The following SAMSN1 variants were observed in gnomAD, a reference collection of about 807,000 sequenced individuals.
The protein encoded by SAMSN1 is SAM domain-containing protein SAMSN-1.
Under a neutral mutation model 42.0 loss-of-function variants are expected in SAMSN1, and 31 were observed. The observed-to-expected ratio is 0.74, with a 90% confidence interval of 0.55 to 1.00. The LOEUF is 1.00. Among genes scored for constraint, SAMSN1 ranks in the 50% least tolerant of loss-of-function variants. The pLI, the probability that SAMSN1 is intolerant of heterozygous loss-of-function variation, is 0.00. For synonymous variants in SAMSN1, 178 were observed against 151.9 expected (o/e 1.17, Z -1.26); for missense variants, 464 against 439.4 (o/e 1.06, Z -0.50).
chr21:14,552,114 A>G (rs941772047), intron 2 of SAMSN1, among the ~76,000 whole-genome samples: 9 of 152,116 alleles, frequency 5.9e-5, no homozygotes, highest in Non-Finnish European at 1.3e-4. Context: ...GCTCTTTTCT[A>G]TAATTAAGAT....
Position 14,485,826 on chromosome 21 carries a change from T to C in SAMSN1, c.*86A>G. The C allele has an allele frequency of 9.9e-7, 1 of 1,015,006 alleles. No homozygotes were observed. Among genetic ancestry groups the C allele is most frequent in the Non-Finnish European group, 1.5e-6 (1 of 652,068 alleles). The allele number at this position is 1,015,006 out of a possible 1,614,324, so 62.9% of individuals were successfully genotyped here. Reference sequence around the variant, plus strand: ...TTTAGGTTTTATTTACAAATATTTATCTTATCTTCCTCTCCTATTTGACGT... The same window carrying C: ...TTTAGGTTTTATTTACAAATATTTACCTTATCTTCCTCTCCTATTTGACGT... On this transcript the variant is annotated 3_prime_UTR_variant, in exon 8 of 8. Transcript: ENST00000400566.
Position 14,509,776 on chromosome 21 carries a change from A to C in SAMSN1, c.561+534T>G, listed in dbSNP as rs571706836. ...TAGACTCTGAACCTGAATCATCTACATAATAACAACTTACACTAACAGCCT... is the reference window on the plus strand; with the variant it reads ...TAGACTCTGAACCTGAATCATCTACCTAATAACAACTTACACTAACAGCCT... On this transcript the variant is annotated intron_variant, in intron 5 of 7. Coordinates refer to ENST00000400566, the MANE Select transcript of SAMSN1 (RefSeq NM_022136.5). Among the ~76,000 whole-genome samples, 10 of 152,308 alleles carry C rather than the reference A, an allele frequency of 6.6e-5. No homozygotes were observed. The South Asian group carries it at 1.9e-3, about 28-fold the overall frequency.
chr21:14,603,447 G>A (rs1471357807), intron 5 of SAMSN1, among the ~76,000 whole-genome samples: 1 of 152,212 alleles, frequency 6.6e-6, no homozygotes, highest in Non-Finnish European at 1.5e-5. Context: ...ACTTGTGGAA[G>A]AGACAAGGCC....
intron 2 of SAMSN1, among the ~76,000 whole-genome samples, chr21:14,559,029 T>C (rs907841301): frequency 1.3e-5 from 2 of 152,196 alleles, no homozygotes; most frequent in African/African-American, 4.8e-5. Flanking sequence ...AAAGAAATTA[T>C]GTCGGTCCCA....
chr21:14,581,344 CTTTTTTTTTTTTTTTTTTTT>C (rs56728511), intron 2 of SAMSN1, among the ~76,000 whole-genome samples: 3 of 32,588 alleles, frequency 9.2e-5, no homozygotes, highest in Admixed American at 6.1e-4. Flanking sequence ...AATAATATTT[CTTTTTTTTTTTTTTTTTTTT>C]TTTTTTTTTT....
intron 5 of SAMSN1, among the ~76,000 whole-genome samples, chr21:14,608,257 A>T (rs150893792): frequency 6.6e-6 from 1 of 152,204 alleles, no homozygotes. Context: ...CTCCTCCTCT[A>T]TCTCCTGGTA....
intron 7 of SAMSN1, among the ~76,000 whole-genome samples, chr21:14,588,791 T>C (rs749677009): frequency 5.8e-4 from 88 of 152,338 alleles, no homozygotes; most frequent in Non-Finnish European, 1.1e-3. Flanking sequence ...TGTTTCTTTT[T>C]CTCCATCTCT....
chr21:14,642,469 C>T (rs1381186616), intron 2 of SAMSN1, among the ~76,000 whole-genome samples: 1 of 152,168 alleles, frequency 6.6e-6, no homozygotes, highest in Non-Finnish European at 1.5e-5. Context: ...AGAATCAGCA[C>T]TTGAGATAAT....
At chr21:14,623,094 C>T (rs1983059424) in intron 2 of SAMSN1, among the ~76,000 whole-genome samples, 1 of 152,132 alleles carries the variant, frequency 6.6e-6, no homozygotes, top group Admixed American at 6.6e-5. Context: ...ACCACCAGGC[C>T]TGCCCTACAA....
chr21:14,530,205 T>C (rs1300224194), intron 1 of SAMSN1, among the ~76,000 whole-genome samples: 1 of 150,734 alleles, frequency 6.6e-6, no homozygotes, highest in African/African-American at 2.4e-5. Flanking sequence ...TAGTCCCAGC[T>C]ACTTGGGAGG....
intron 2 of SAMSN1, among the ~76,000 whole-genome samples, chr21:14,632,191 T>C (rs1983347583): frequency 6.6e-6 from 1 of 152,004 alleles, no homozygotes. Context: ...GGCCACTTCC[T>C]AACTGTGATA....
chr21:14,515,831 A>G (rs559397905), intron 3 of SAMSN1, among the ~76,000 whole-genome samples: 3 of 152,352 alleles, frequency 2.0e-5, no homozygotes, highest in Non-Finnish European at 4.4e-5. Flanking sequence ...AAAACGAACA[A>G]TGGATTTGAA....
intron 2 of SAMSN1, among the ~76,000 whole-genome samples, chr21:14,563,386 C>T (rs1457107721): frequency 2.0e-5 from 3 of 152,062 alleles, no homozygotes; most frequent in African/African-American, 7.2e-5. Flanking sequence ...GTTTTGAATG[C>T]AAATTACACA....
intron 1 of SAMSN1, among the ~76,000 whole-genome samples, chr21:14,649,772 A>AACACACACACAC (rs60905314): frequency 3.4e-4 from 46 of 135,752 alleles, no homozygotes; most frequent in African/African-American, 6.2e-4. Flanking sequence ...ACTGTCTCAA[A>AACACACACACAC]ACACACACAC....
At chr21:14,506,368 A>G (rs749392511) in intron 5 of SAMSN1, among the ~76,000 whole-genome samples, 10 of 152,150 alleles carry the variant, frequency 6.6e-5, no homozygotes, top group Non-Finnish European at 1.3e-4. Context: ...GGGTATTACA[A>G]CTGACACTAC....
intron 1 of SAMSN1, among the ~76,000 whole-genome samples, chr21:14,539,875 G>A (rs570754125): frequency 6.6e-5 from 10 of 152,218 alleles, no homozygotes; most frequent in East Asian, 3.9e-4. Flanking sequence ...GAGGCATCAC[G>A]CTACCTGACT....
chr21:14,656,749 T>C (rs1203072639), intron 1 of SAMSN1, among the ~76,000 whole-genome samples: 1 of 151,804 alleles, frequency 6.6e-6, no homozygotes, highest in Non-Finnish European at 1.5e-5. Context: ...TTTATGTTTC[T>C]CTTAAAAACC....
At chr21:14,583,667 G>A (rs1453069450), upstream of SAMSN1, 3 of 717,084 alleles carry the variant, frequency 4.2e-6, no homozygotes, top group African/African-American at 3.5e-5. Context: ...TATTAATGTC[G>A]GTTTCACCTC....
chr21:14,501,311 ACTCT>A lies in SAMSN1; in HGVS notation c.562-580_562-577del, dbSNP rs747446153. Among the ~76,000 whole-genome samples the A allele has an allele frequency of 2.7e-4, 41 of 152,264 alleles. 1 individual carries two copies. The East Asian group carries it at 7.9e-3, about 29-fold the overall frequency. ...TATAATTTACAAAACACTTTTGCCT[ACTCT>A]AAGTTATTTTTGCTCACAACACACT... On this transcript the variant is annotated intron_variant, in intron 5 of 7. Transcript: ENST00000400566.
Sources: allele counts gnomAD v4.1 joint callset (sites outside exome capture counted in the v4.1 genomes callset), GRCh38; gene constraint gnomAD v4.1.1; transcripts MANE v1.5; gene names NCBI Gene and HGNC (gene_info 2026-07-23, HGNC 2026-07-21).